Variants in GPRASP3 observed in about 807,000 individuals in gnomAD.
GPRASP3 encodes G protein-coupled receptor associated sorting protein 3.
chrX:102,734,477 C>A, the GPRASP3 span, among the ~76,000 whole-genome samples: 26 of 111,643 alleles, frequency 2.3e-4, no homozygotes, highest in African/African-American at 8.2e-4. Flanking sequence ...ATTAGCCAGG[C>A]ATGGTGGCAG....
chrX:102,738,828 C>T, the GPRASP3 span, among the ~76,000 whole-genome samples: 3 of 111,718 alleles, frequency 2.7e-5, no homozygotes, highest in Non-Finnish European at 5.6e-5. Flanking sequence ...TGAGGACACA[C>T]GCCAGTGACA....
chrX:102,745,368 A>G, the GPRASP3 span, among the ~76,000 whole-genome samples: 1 of 111,498 alleles, frequency 9.0e-6, no homozygotes, highest in African/African-American at 3.3e-5. Flanking sequence ...GTCTAGGTCT[A>G]CCTTCTGTTA....
At chrX:102,731,216 A>G in the GPRASP3 span, among the ~76,000 whole-genome samples, 1 of 112,999 alleles carries the variant, frequency 8.8e-6, no homozygotes, top group Non-Finnish European at 1.9e-5. Context: ...GAATCCATAC[A>G]GGTCTGCAGC....
the GPRASP3 span, among the ~76,000 whole-genome samples, chrX:102,732,635 C>T: frequency 8.9e-6 from 1 of 111,740 alleles, no homozygotes; most frequent in South Asian, 3.7e-4. Context: ...CTCCAGTCCT[C>T]GTGATTTTTT....
At chrX:102,748,845 G>T in the GPRASP3 span, 2 of 554,692 alleles carry the variant, frequency 3.6e-6, no homozygotes, top group Non-Finnish European at 5.7e-6. Flanking sequence ...TGTTTGGAAA[G>T]AGAACTTTGT....
the GPRASP3 span, chrX:102,748,988 C>A: frequency 8.3e-7 from 1 of 1,199,082 alleles, no homozygotes. Flanking sequence ...TATAACTGGG[C>A]TTCAACCATG....
At chrX:102,750,224 A>G in the GPRASP3 span, 1 of 1,199,401 alleles carries the variant, frequency 8.3e-7, no homozygotes, top group Non-Finnish European at 1.1e-6. Context: ...CATATGTGTA[A>G]AGAAACCATG....
the GPRASP3 span, among the ~76,000 whole-genome samples, chrX:102,729,954 G>A: frequency 1.8e-5 from 2 of 112,044 alleles, no homozygotes; most frequent in Admixed American, 1.9e-4. Context: ...GGCAGATTTC[G>A]TGGAAGACAA....
the GPRASP3 span, chrX:102,753,082 C>T: frequency 8.2e-6 from 1 of 122,527 alleles, no homozygotes; most frequent in African/African-American, 3.3e-5. Context: ...CATGCCCAGC[C>T]TCCCCCAAAG....
At chrX:102,739,985 G>A in the GPRASP3 span, among the ~76,000 whole-genome samples, 1 of 112,406 alleles carries the variant, frequency 8.9e-6, no homozygotes, top group Non-Finnish European at 1.9e-5. Flanking sequence ...AAGGCAGAAG[G>A]TCTGGTGGGC....
At chrX:102,738,088 T>C in the GPRASP3 span, among the ~76,000 whole-genome samples, 1 of 111,866 alleles carries the variant, frequency 8.9e-6, no homozygotes, top group African/African-American at 3.2e-5. Flanking sequence ...CAAGTCTGAC[T>C]CTTGTAATTG....
the GPRASP3 span, among the ~76,000 whole-genome samples, chrX:102,726,386 A>G: frequency 8.9e-6 from 1 of 112,728 alleles, no homozygotes; most frequent in African/African-American, 3.2e-5. Context: ...TCTGTTCCTC[A>G]AAGCTTGTAG....
chrX:102,746,630 G>A, the GPRASP3 span, among the ~76,000 whole-genome samples: 1 of 112,438 alleles, frequency 8.9e-6, no homozygotes, highest in Non-Finnish European at 1.9e-5. Context: ...CCCTGATTCC[G>A]GAAAGGGGCC....
chrX:102,727,753 G>T, the GPRASP3 span, among the ~76,000 whole-genome samples: 1 of 112,424 alleles, frequency 8.9e-6, no homozygotes, highest in African/African-American at 3.2e-5. Context: ...GAATAGATCA[G>T]AAATTTTAAA....
the GPRASP3 span, among the ~76,000 whole-genome samples, chrX:102,731,451 G>A: frequency 9.0e-6 from 1 of 110,971 alleles, no homozygotes; most frequent in South Asian, 3.9e-4. Flanking sequence ...GTGAAACCCT[G>A]TCTCTACTAA....
At chrX:102,732,517 C>T in the GPRASP3 span, among the ~76,000 whole-genome samples, 1 of 110,364 alleles carries the variant, frequency 9.1e-6, no homozygotes, top group African/African-American at 3.3e-5. Context: ...GGTTGGTTTA[C>T]AGGAATAAGC....
chrX:102,724,867 C>T, the GPRASP3 span, among the ~76,000 whole-genome samples: 1 of 110,517 alleles, frequency 9.0e-6, no homozygotes, highest in Non-Finnish European at 1.9e-5. Context: ...ACTCAGTCCT[C>T]TTGTTCCTTC....
chrX:102,746,381 G>A, the GPRASP3 span, among the ~76,000 whole-genome samples: 1 of 112,855 alleles, frequency 8.9e-6, no homozygotes. Flanking sequence ...GGGCTGGCTT[G>A]AGAGGCACCG....
chrX:102,751,877 AGAGCTGAAATCATT>A, the GPRASP3 span: 2 of 122,300 alleles, frequency 1.6e-5, no homozygotes, highest in African/African-American at 6.6e-5. Flanking sequence ...TCTTTCCCAA[AGAGCTGAAATCATT>A]TTATACCCTG....
Sources: allele counts gnomAD v4.1 joint callset (sites outside exome capture counted in the v4.1 genomes callset), GRCh38; gene constraint gnomAD v4.1.1; transcripts MANE v1.5; gene names NCBI Gene and HGNC (gene_info 2026-07-23, HGNC 2026-07-21).